The following POU2F1 variants were observed in gnomAD, a reference collection of about 807,000 sequenced individuals.
POU2F1 encodes POU domain, class 2, transcription factor 1.
POU2F1 carries 16 observed loss-of-function variants against 84.9 expected under a neutral mutation model. The ratio of observed to expected loss-of-function variants is 0.19; its 90% CI spans 0.13 to 0.29. The LOEUF is 0.29. POU2F1 is among the 10% of genes least tolerant of loss of function. The pLI, the probability that POU2F1 is intolerant of heterozygous loss-of-function variation, is 1.00. For synonymous variants in POU2F1, 368 were observed against 368.3 expected (o/e 1.00, Z 0.01); for missense variants, 738 against 942.6 (o/e 0.78, Z 2.84).
chr1:167,367,732 T>A (rs111501676), intron 3 of POU2F1, among the ~76,000 whole-genome samples: 5 of 152,292 alleles, frequency 3.3e-5, no homozygotes, highest in African/African-American at 1.2e-4. Context: ...TGTATGTATG[T>A]ACACATACAA....
At chr1:167,360,294 A>G (rs1227905464) in intron 2 of POU2F1, among the ~76,000 whole-genome samples, 1 of 152,154 alleles carries the variant, frequency 6.6e-6, no homozygotes, top group Non-Finnish European at 1.5e-5. Flanking sequence ...TTACAAGAGT[A>G]TCTCCTAGGT....
At chr1:167,262,473 G>C (rs1651640800) in intron 1 of POU2F1, among the ~76,000 whole-genome samples, 1 of 152,216 alleles carries the variant, frequency 6.6e-6, no homozygotes, top group African/African-American at 2.4e-5. Context: ...AACACAAGAT[G>C]AATCAGAAAC....
At chr1:167,349,623 A>G (rs951216997) in intron 2 of POU2F1, among the ~76,000 whole-genome samples, 2 of 152,170 alleles carry the variant, frequency 1.3e-5, no homozygotes, top group East Asian at 1.9e-4. Context: ...CCTGAGAACT[A>G]CTTAAGAGCA....
intron 13 of POU2F1, among the ~76,000 whole-genome samples, chr1:167,408,891 A>AAACT (rs1649769036): frequency 6.6e-6 from 1 of 152,008 alleles, no homozygotes; most frequent in African/African-American, 2.4e-5. Context: ...TTAAAAATCT[A>AAACT]AGTTGTTTAT....
intron 1 of POU2F1, among the ~76,000 whole-genome samples, chr1:167,325,240 TA>T (rs1025625459): frequency 2.0e-5 from 3 of 152,170 alleles, no homozygotes; most frequent in Non-Finnish European, 4.4e-5. Context: ...TTGGAAAGGA[TA>T]TTGGTGTACT....
intron 1 of POU2F1, among the ~76,000 whole-genome samples, chr1:167,299,546 C>T (rs1654514508): frequency 6.6e-6 from 1 of 152,158 alleles, no homozygotes; most frequent in Admixed American, 6.5e-5. Flanking sequence ...CAAGGACCCT[C>T]CTGTCCTTGA....
chr1:167,377,468 T>A (rs1660410654), intron 7 of POU2F1, among the ~76,000 whole-genome samples: 1 of 152,062 alleles, frequency 6.6e-6, no homozygotes, highest in Non-Finnish European at 1.5e-5. Context: ...GCGCCTGTAG[T>A]CCCAGCTACT....
At chr1:167,396,602 AT>A in intron 10 of POU2F1, 175 bp downstream of exon 10, 1 of 646,706 alleles carries the variant, frequency 1.5e-6, no homozygotes. Context: ...AAGCTGATTC[AT>A]TTAAATATTC....
At chr1:167,241,355 A>T (rs1649889018) in intron 1 of POU2F1, 1 of 152,158 alleles carries the variant, frequency 6.6e-6, no homozygotes, top group Non-Finnish European at 1.5e-5. Context: ...GAAATAACTA[A>T]ATATTTCGTT....
intron 15 of POU2F1, among the ~76,000 whole-genome samples, chr1:167,415,076 T>C (rs1336967487): frequency 6.6e-6 from 1 of 152,180 alleles, no homozygotes; most frequent in Non-Finnish European, 1.5e-5. Context: ...ACCACTCACC[T>C]CCTGTTGTTA....
Position 167,421,001 on chromosome 1 carries a change from A to ATTTAAACC in POU2F1, c.*5191_*5192insTTTAAACC. The ATTTAAACC allele has an allele frequency of 6.6e-6, 1 of 152,226 alleles. No homozygotes were observed. Among genetic ancestry groups the ATTTAAACC allele is most frequent in the Non-Finnish European group, 1.5e-5 (1 of 68,032 alleles). The allele number at this position is 152,226 out of a possible 1,614,324, so 9.4% of individuals were successfully genotyped here. On this transcript the variant is annotated 3_prime_UTR_variant, in exon 16 of 16. Transcript: ENST00000367866. ...CAAAATTTAAAATTTTCCAAAATGG[A>ATTTAAACC]CAAGAATTGATGGGTTAATTTGCTC...
chr1:167,297,648 G>C lies in POU2F1; in HGVS notation c.62-34822G>C, dbSNP rs557483314. 1.4e-4 allele frequency among the ~76,000 whole-genome samples: 22 copies of C among 152,280 alleles called. 1 individual carries two copies. The South Asian group carries it at 2.7e-3, about 19-fold the overall frequency. ...CTAGGGGGATGGGATTAATCATTCA[G>C]GCCCTTTCCTTGTCCTTGCTCTTAT... On this transcript the variant is annotated intron_variant, in intron 1 of 15. Coordinates refer to ENST00000367866, the MANE Select transcript of POU2F1 (RefSeq NM_002697.4).
intron 1 of POU2F1, among the ~76,000 whole-genome samples, chr1:167,231,067 G>A (rs1400410095): frequency 1.3e-5 from 2 of 152,140 alleles, no homozygotes; most frequent in African/African-American, 4.8e-5. Flanking sequence ...CACCAGAAAG[G>A]CCCTATACTG....
At chr1:167,306,971 G>A (rs1264798784) in intron 1 of POU2F1, among the ~76,000 whole-genome samples, 2 of 152,140 alleles carry the variant, frequency 1.3e-5, no homozygotes, top group African/African-American at 4.8e-5. Flanking sequence ...ATAGTGTCTC[G>A]TAAGTAGGAA....
At chr1:167,312,185 C>CT (rs1214936620) in intron 1 of POU2F1, among the ~76,000 whole-genome samples, 2 of 151,836 alleles carry the variant, frequency 1.3e-5, no homozygotes, top group Non-Finnish European at 2.9e-5. Context: ...ATCCACCCCC[C>CT]TTGGCCTCCC....
At chr1:167,322,947 C>T (rs903316950) in intron 1 of POU2F1, among the ~76,000 whole-genome samples, 1 of 152,184 alleles carries the variant, frequency 6.6e-6, no homozygotes, top group Non-Finnish European at 1.5e-5. Context: ...TCCTTGCCGT[C>T]ATTCCGGTAA....
At chr1:167,297,035 GAA>G (rs1293723361) in intron 1 of POU2F1, among the ~76,000 whole-genome samples, 1 of 152,136 alleles carries the variant, frequency 6.6e-6, no homozygotes, top group Non-Finnish European at 1.5e-5. Flanking sequence ...AGACAGGAAA[GAA>G]TGGTTGAAAT....
chr1:167,408,900 A>G (rs1258639613), intron 13 of POU2F1, among the ~76,000 whole-genome samples: 1 of 152,244 alleles, frequency 6.6e-6, no homozygotes, highest in African/African-American at 2.4e-5. Flanking sequence ...TAAGTTGTTT[A>G]TATTCTTACT....
chr1:167,226,023 AT>A (rs1648605410), intron 1 of POU2F1, among the ~76,000 whole-genome samples: 1 of 152,222 alleles, frequency 6.6e-6, no homozygotes, highest in African/African-American at 2.4e-5. Context: ...AATGAAAGTG[AT>A]TGCATTTGAA....
Sources: gnomAD v4.1 joint callset for allele counts (sites outside exome capture counted in the v4.1 genomes callset) on GRCh38, gnomAD v4.1.1 for gene constraint, MANE v1.5 for transcripts, NCBI Gene and HGNC (gene_info 2026-07-23, HGNC 2026-07-21) for gene names.